The following MCTP1 variants were observed in gnomAD, a reference collection of about 807,000 sequenced individuals.
The protein encoded by MCTP1 is multiple C2 and transmembrane domain containing 1.
A neutral mutation model predicts 120.6 loss-of-function variants in MCTP1; 69 were observed. The observed-to-expected ratio is 0.57, with a 90% confidence interval of 0.47 to 0.70. The LOEUF (loss-of-function observed/expected upper bound fraction) is 0.70. Among genes scored for constraint, MCTP1 ranks in the 30% least tolerant of loss-of-function variants. The pLI is 0.00. For missense variants in MCTP1, 1,203 were observed against 1,248.8 expected, an observed-to-expected ratio of 0.96 and a Z score of 0.55; for synonymous variants, 529 against 493.1, an observed-to-expected ratio of 1.07 and a Z score of -0.96.
intron 2 of MCTP1, among the ~76,000 whole-genome samples, chr5:94,977,460 GA>G (rs942536435): frequency 5.3e-5 from 8 of 150,618 alleles, no homozygotes; most frequent in African/African-American, 9.7e-5. Flanking sequence ...TACAGAAATA[GA>G]AAAAAAAAAC....
At chr5:95,146,268 G>T in intron 1 of MCTP1, among the ~76,000 whole-genome samples, 1 of 151,826 alleles carries the variant, frequency 6.6e-6, no homozygotes, top group East Asian at 1.9e-4. Flanking sequence ...TGCTTATTTG[G>T]ATCCTTTTTT....
chr5:95,207,789 G>T (rs544115657), intron 1 of MCTP1, among the ~76,000 whole-genome samples: 1 of 152,114 alleles, frequency 6.6e-6, no homozygotes, highest in South Asian at 2.1e-4. Flanking sequence ...AGAAGCTGAA[G>T]GAGAAAACAG....
intron 2 of MCTP1, among the ~76,000 whole-genome samples, chr5:94,999,068 A>C (rs1294818006): frequency 6.6e-6 from 1 of 152,204 alleles, no homozygotes; most frequent in Non-Finnish European, 1.5e-5. Flanking sequence ...CCTCCGTTAT[A>C]GTTGCCATAA....
chr5:94,711,079 G>T (rs2152537799), intron 20 of MCTP1, 152 bp from the exon 21 acceptor site: 1 of 635,052 alleles, frequency 1.6e-6, no homozygotes. Context: ...ACGCAGGCTA[G>T]CCATAATCTG....
At chr5:95,175,445 C>T (rs1034502876) in intron 1 of MCTP1, among the ~76,000 whole-genome samples, 4 of 152,176 alleles carry the variant, frequency 2.6e-5, no homozygotes, top group African/African-American at 4.8e-5. Flanking sequence ...AACATTGGTA[C>T]CCTTTCCCTC....
At chr5:94,749,686 A>C (rs999511730) in intron 19 of MCTP1, among the ~76,000 whole-genome samples, 1 of 127,800 alleles carries the variant, frequency 7.8e-6, no homozygotes, top group Admixed American at 7.9e-5. Context: ...AAAAAAAAAA[A>C]TATCAAGGCA....
At chr5:94,831,680 T>C (rs1278978488) in intron 17 of MCTP1, among the ~76,000 whole-genome samples, 1 of 152,172 alleles carries the variant, frequency 6.6e-6, no homozygotes, top group Non-Finnish European at 1.5e-5. Context: ...TGTAATGAAA[T>C]TTGCTAAGCT....
intron 17 of MCTP1, among the ~76,000 whole-genome samples, chr5:94,844,301 C>CAAAAAAAAAAAAAAA (rs59169145): frequency 3.8e-5 from 3 of 79,702 alleles, no homozygotes; most frequent in Non-Finnish European, 6.8e-5. Context: ...GACTCTGTCT[C>CAAAAAAAAAAAAAAA]AAAAAAAAAA....
At chr5:94,929,786 T>C (rs1280074176) in intron 6 of MCTP1, 11 of 456,994 alleles carry the variant, frequency 2.4e-5, no homozygotes, top group Non-Finnish European at 3.2e-5. Flanking sequence ...AACACTAATA[T>C]AGATGAATAT....
intron 2 of MCTP1, among the ~76,000 whole-genome samples, chr5:94,975,003 T>C (rs1378696538): frequency 6.6e-6 from 1 of 152,218 alleles, no homozygotes; most frequent in Non-Finnish European, 1.5e-5. Flanking sequence ...GTCTTCCTTA[T>C]TTCAATTCAT....
intron 1 of MCTP1, among the ~76,000 whole-genome samples, chr5:95,118,012 G>T (rs1411668459): frequency 2.0e-5 from 3 of 152,154 alleles, no homozygotes; most frequent in Non-Finnish European, 4.4e-5. Context: ...ACATATGGGG[G>T]CCTGTCAAGG....
chr5:95,241,245 T>C (rs1474219918), intron 1 of MCTP1, among the ~76,000 whole-genome samples: 1 of 152,188 alleles, frequency 6.6e-6, no homozygotes, highest in Non-Finnish European at 1.5e-5. Context: ...GAAATGTGCA[T>C]CCAAAACATT....
At chr5:95,076,829 C>T (rs757414464) in intron 1 of MCTP1, among the ~76,000 whole-genome samples, 1 of 152,100 alleles carries the variant, frequency 6.6e-6, no homozygotes, top group African/African-American at 2.4e-5. Context: ...TTAATGACTC[C>T]TTTGGGTCAA....
intron 1 of MCTP1, among the ~76,000 whole-genome samples, chr5:95,100,287 T>A (rs1375881734): frequency 2.0e-5 from 3 of 151,402 alleles, no homozygotes; most frequent in Non-Finnish European, 2.9e-5. Context: ...AAAAAAAAAT[T>A]AAAAAAAAAT....
intron 1 of MCTP1, among the ~76,000 whole-genome samples, chr5:95,190,419 T>C (rs1562222658): frequency 6.6e-6 from 1 of 152,170 alleles, no homozygotes; most frequent in Non-Finnish European, 1.5e-5. Context: ...GAATAAATTC[T>C]TCACTATCAA....
At chr5:94,948,035 A>C (rs1819555142) in intron 3 of MCTP1, among the ~76,000 whole-genome samples, 1 of 152,144 alleles carries the variant, frequency 6.6e-6, no homozygotes, top group South Asian at 2.1e-4. Context: ...TTTTATACTA[A>C]GGCAGTTTCA....
At chr5:95,103,591 C>A (rs1190578429) in intron 1 of MCTP1, among the ~76,000 whole-genome samples, 1 of 152,252 alleles carries the variant, frequency 6.6e-6, no homozygotes, top group East Asian at 1.9e-4. Flanking sequence ...ATGTATGTAG[C>A]AATTTTCTTG....
chr5:95,262,554 AG>A (rs1362920649), intron 1 of MCTP1, among the ~76,000 whole-genome samples: 1 of 152,212 alleles, frequency 6.6e-6, no homozygotes, highest in Non-Finnish European at 1.5e-5. Context: ...GACTGCATGG[AG>A]GGCTGTGTGC....
intron 19 of MCTP1, among the ~76,000 whole-genome samples, chr5:94,720,230 T>C (rs1760579415): frequency 6.6e-6 from 1 of 151,924 alleles, no homozygotes; most frequent in Non-Finnish European, 1.5e-5. Flanking sequence ...GACCTTGGAA[T>C]AGGAAAGAAC....
Sources: gnomAD v4.1 joint callset for allele counts (sites outside exome capture counted in the v4.1 genomes callset) on GRCh38, gnomAD v4.1.1 for gene constraint, MANE v1.5 for transcripts, NCBI Gene and HGNC (gene_info 2026-07-23, HGNC 2026-07-21) for gene names.